Variants in VGLL2 observed in about 807,000 individuals in gnomAD.
VGLL2 encodes the protein vestigial like family member 2.
In VGLL2, 18 loss-of-function variants were observed where a neutral mutation model predicts 27.0. The ratio of observed to expected loss-of-function variants is 0.67; its 90% CI spans 0.46 to 0.99. The LOEUF (loss-of-function observed/expected upper bound fraction) is 0.99. Among genes scored for constraint, VGLL2 ranks in the 50% least tolerant of loss-of-function variants. The probability of loss-of-function intolerance (pLI) is 0.00; values close to 1 mark genes in which losing one functional copy is unlikely to be tolerated. For missense variants in VGLL2, 491 were observed against 452.3 expected (o/e 1.09, Z -0.78); for synonymous variants, 220 against 201.1 (o/e 1.09, Z -0.80).
chr6:117,270,304 T>C (rs546601599), intron 2 of VGLL2, among the ~76,000 whole-genome samples: 1 of 152,206 alleles, frequency 6.6e-6, no homozygotes, highest in South Asian at 2.1e-4. Flanking sequence ...TTTTCGTGGG[T>C]TCCCAGAAGC....
chr6:117,270,707 C>G lies in VGLL2; in HGVS notation c.556C>G (p.Leu186Val). 1 of 1,534,304 alleles carries G rather than the reference C, an allele frequency of 6.5e-7. No homozygotes were observed. Among genetic ancestry groups the G allele is most frequent in the Non-Finnish European group, 8.7e-7 (1 of 1,149,638 alleles). ...CTCGCCCGCCGCGCTGCATGGCCACCTGCACCAGGGCGCCACGGAGCCCTG... is the reference window on the plus strand; with the variant it reads ...CTCGCCCGCCGCGCTGCATGGCCACGTGCACCAGGGCGCCACGGAGCCCTG... ...PYSPAALHGH[L>V]HQGATEPWHH... Residue 186 changes from leucine to valine, a missense_variant, in exon 3 of 4, where the codon CTG becomes GTG. By Grantham distance (32) the Leu-to-Val change is conservative. Coordinates refer to ENST00000326274, the MANE Select transcript of VGLL2 (RefSeq NM_182645.3).
chr6:117,270,042 G>C (rs556788283), intron 2 of VGLL2, among the ~76,000 whole-genome samples: 2 of 152,232 alleles, frequency 1.3e-5, no homozygotes, highest in African/African-American at 4.8e-5. Context: ...ACATTTTCTG[G>C]AGCAAGAAGG....
In VGLL2 at chr6:117,270,971, G is replaced by A. The variant is rs534949087; in HGVS notation, c.820G>A (p.Glu274Lys). 8.1e-7 allele frequency: 1 copy of A among 1,231,876 alleles called. No homozygotes were observed. Among genetic ancestry groups the A allele is most frequent in the Non-Finnish European group, 1.0e-6 (1 of 990,942 alleles). The allele number at this position is 1,231,876 out of a possible 1,614,324, so 76.3% of individuals were successfully genotyped here. ...SPPCELSGKG[E>K]PAGAAWAGPG... ...TCCCTGCGAGCTCTCCGGCAAAGGC[G>A]AGCCGGCGGGCGCCGCGTGGGCCGG... is the stretch of plus-strand genomic sequence containing the variant. The change falls in exon 3 of 4, where the codon GAG becomes AAG. Residue 274 changes from glutamate to lysine, a missense_variant. Transcript: ENST00000326274.
At chr6:117,268,552 T>C in intron 2 of VGLL2, 61 bp downstream of exon 2, 1 of 1,453,774 alleles carries the variant, frequency 6.9e-7, no homozygotes, top group Non-Finnish European at 9.1e-7. Flanking sequence ...GGGGTTCACC[T>C]ACAGGAGCCT....
intron 3 of VGLL2, among the ~76,000 whole-genome samples, chr6:117,271,545 G>A (rs993838979): frequency 2.6e-5 from 4 of 151,980 alleles, no homozygotes; most frequent in African/African-American, 9.7e-5. Context: ...TTGATTACAT[G>A]TTGAAATATT....
In VGLL2 at chr6:117,265,743, C is replaced by A; in HGVS notation, c.-21C>A. Reference sequence around the variant, plus strand: ...GGAGAGTTAATGAAAAAACACTTAACCGTCTCCGCTGCGGAGAGTCATGAG... The same window carrying A: ...GGAGAGTTAATGAAAAAACACTTAAACGTCTCCGCTGCGGAGAGTCATGAG... On this transcript the variant is annotated 5_prime_UTR_variant, in exon 1 of 4. Coordinates refer to ENST00000326274, the MANE Select transcript of VGLL2 (RefSeq NM_182645.3). 6.2e-7 allele frequency: 1 copy of A among 1,606,296 alleles called. No individual in the cohort carries two copies. The highest frequency in any genetic ancestry group is 8.5e-7 in the Non-Finnish European group (1 of 1,172,954).
At chr6:117,271,121 T>G in intron 3 of VGLL2, 57 bp downstream of exon 3, 1 of 1,188,344 alleles carries the variant, frequency 8.4e-7, no homozygotes, top group Non-Finnish European at 1.0e-6. Flanking sequence ...TACCCGACCC[T>G]GGGCTGTGCC....
At chr6:117,268,887 G>A (rs567101038) in intron 2 of VGLL2, among the ~76,000 whole-genome samples, 2 of 152,110 alleles carry the variant, frequency 1.3e-5, no homozygotes, top group Admixed American at 6.5e-5. Flanking sequence ...TCAAAAACGT[G>A]AGGTTTCCAG....
chr6:117,270,367 A>G (rs1773158005), intron 2 of VGLL2, among the ~76,000 whole-genome samples, 176 bp from the exon 3 acceptor site: 1 of 152,028 alleles, frequency 6.6e-6, no homozygotes, highest in Non-Finnish European at 1.5e-5. Context: ...CCCCCTTAGA[A>G]AAACGCCGCT....
At position 117,271,006 on chromosome 6, in the gene VGLL2, A is replaced by T; in HGVS notation, c.855A>T (p.Gly285=). Residue 285 remains glycine (G), a synonymous_variant, in exon 3 of 4, where the codon GGA becomes GGT. Coordinates refer to ENST00000326274, the MANE Select transcript of VGLL2 (RefSeq NM_182645.3). ...PAGAAWAGPG[G]PFASPSGDVA... is the part of the protein sequence containing the mutation. ...GCGCCGCGTGGGCCGGGCCCGGGGG[A>T]CCCTTCGCGAGCCCCTCGGGGGACG... 1 of 1,231,960 alleles carries T rather than the reference A, an allele frequency of 8.1e-7. No individual in the cohort carries two copies. Among genetic ancestry groups the T allele is most frequent in the East Asian group, 3.2e-5 (1 of 31,356 alleles). The allele number at this position is 1,231,960 out of a possible 1,614,324, so 76.3% of individuals were successfully genotyped here.
chr6:117,272,612 C>G lies in VGLL2; in HGVS notation c.*118C>G. 6.8e-7 allele frequency: 1 copy of G among 1,478,186 alleles called. No individual in the cohort carries two copies. Among genetic ancestry groups the G allele is most frequent in the South Asian group, 1.3e-5 (1 of 79,636 alleles). 91.6% of individuals were successfully genotyped at this position (1,478,186 alleles called of 1,614,324 possible). On this transcript the variant is annotated 3_prime_UTR_variant, in exon 4 of 4. Transcript: ENST00000326274. ...GGGAAGGCAGAGACTTCAGACTTCT[C>G]AGTGTGTTGGGAAAACCAAAAACCA...
intron 1 of VGLL2, among the ~76,000 whole-genome samples, chr6:117,267,284 T>C (rs1243291952): frequency 1.3e-5 from 2 of 152,152 alleles, no homozygotes; most frequent in African/African-American, 4.8e-5. Flanking sequence ...CATTGCTCAT[T>C]TCTAAGAAAA....
chr6:117,270,343 T>C (rs1773157414), intron 2 of VGLL2, among the ~76,000 whole-genome samples, 200 bp from the exon 3 acceptor site: 1 of 152,032 alleles, frequency 6.6e-6, no homozygotes, highest in Admixed American at 6.6e-5. Flanking sequence ...CCACCTCGCT[T>C]TCACAGGTTG....
chr6:117,268,770 T>C (rs1773123245), intron 2 of VGLL2, among the ~76,000 whole-genome samples: 2 of 152,306 alleles, frequency 1.3e-5, no homozygotes, highest in South Asian at 4.1e-4. Context: ...TCTCAACCTC[T>C]TTGAGGTCAC....
Position 117,268,553 on chromosome 6 carries a change from A to G in VGLL2, c.391+62A>G, listed in dbSNP as rs182790887. On this transcript the variant is annotated intron_variant, in intron 2 of 3. Coordinates refer to ENST00000326274, the MANE Select transcript of VGLL2 (RefSeq NM_182645.3). ...GGTCCTCTCAGCCTGGGGTTCACCT[A>G]CAGGAGCCTAAAAACATGCAGCTGA... The G allele has an allele frequency of 1.1e-3, 1,633 of 1,456,298 alleles. 6 individuals carry two copies. The highest frequency in any genetic ancestry group is 5.7e-3 in the Middle Eastern group (23 of 4,014). 90.2% of individuals were successfully genotyped at this position (1,456,298 alleles called of 1,614,324 possible).
At chr6:117,268,615 G>A (rs764501466) in intron 2 of VGLL2, 124 bp downstream of exon 2, 34 of 1,136,912 alleles carry the variant, frequency 3.0e-5, no homozygotes, top group Non-Finnish European at 4.2e-5. Flanking sequence ...GTGCAGAGGA[G>A]CATTTGGAAA....
chr6:117,270,826 CG>C lies in VGLL2; in HGVS notation c.676del (p.Ala226ProfsTer18). ...AQAAPYPRPAAVHEVYAPHFD... is the reference protein window; with the variant it reads ...AQAAPYPRPAXVHEVYAPHFD... ...AGGCCGCCCCCTACCCGCGCCCCGC[CG>C]CCGTGCACGAAGTCTACGCGCCGCA... On this transcript the variant is annotated frameshift_variant, in exon 3 of 4. Coordinates refer to ENST00000326274, the MANE Select transcript of VGLL2 (RefSeq NM_182645.3). 7.0e-7 allele frequency: 1 copy of C among 1,430,672 alleles called. No individual in the cohort carries two copies. Among genetic ancestry groups the C allele is most frequent in the Non-Finnish European group, 9.1e-7 (1 of 1,094,198 alleles). 88.6% of individuals were successfully genotyped at this position (1,430,672 alleles called of 1,614,324 possible). A position where few individuals can be genotyped will look rare whatever the true frequency, so the allele number is the denominator to read the frequency against.
chr6:117,268,605 G>A, intron 2 of VGLL2, 114 bp downstream of exon 2: 3 of 1,173,846 alleles, frequency 2.6e-6, no homozygotes, highest in Non-Finnish European at 2.4e-6. Flanking sequence ...CAGAGAAGGT[G>A]TGCAGAGGAG....
At chr6:117,268,051 C>A in intron 1 of VGLL2, 131 bp from the exon 2 acceptor site, 1 of 974,120 alleles carries the variant, frequency 1.0e-6, no homozygotes, top group African/African-American at 1.6e-5. Flanking sequence ...TTTATGCTAA[C>A]AGCACAAGGC....
Sources: gnomAD v4.1 joint callset for allele counts (sites outside exome capture counted in the v4.1 genomes callset) on GRCh38, gnomAD v4.1.1 for gene constraint, MANE v1.5 for transcripts, NCBI Gene and HGNC (gene_info 2026-07-23, HGNC 2026-07-21) for gene names.